EID2: variants seen among roughly 807,000 people sequenced by gnomAD.
EID2 encodes EP300 interacting inhibitor of differentiation 2, also known as EP300-interacting inhibitor of differentiation 2.
A neutral mutation model predicts 2.6 loss-of-function variants in EID2; 1 was observed. The observed-to-expected ratio is 0.39, with a 90% CI of 0.14 to 1.85. The LOEUF is 1.85. Among genes scored for constraint, EID2 ranks in the 40% most tolerant of loss-of-function variants. The probability of loss-of-function intolerance (pLI) is 0.32; values close to 1 mark genes in which losing one functional copy is unlikely to be tolerated. For synonymous variants in EID2, 126 were observed against 147.2 expected (o/e 0.86, Z 1.04); for missense variants, 285 against 338.4 (o/e 0.84, Z 1.24).
Position 39,539,323 on chromosome 19 carries a change from T to C in EID2, c.*46A>G. 6.5e-7 allele frequency: 1 copy of C among 1,539,626 alleles called. No individual in the cohort carries two copies. Among genetic ancestry groups the C allele is most frequent in the Non-Finnish European group, 8.9e-7 (1 of 1,119,190 alleles). On this transcript the variant is annotated 3_prime_UTR_variant, in exon 1 of 1. Coordinates refer to ENST00000390658, the MANE Select transcript of EID2 (RefSeq NM_153232.4). ...TCTGAAAATCAAGTTGCAGGATTGG[T>C]ATGACTGGAATGCAGAGGTTCTCTT...
At position 39,539,136 on chromosome 19, in the gene EID2, AG is replaced by A. The variant is rs1430319399; in HGVS notation, c.*232del. 2.1e-6 allele frequency: 1 copy of A among 471,854 alleles called. No individual in the cohort carries two copies. The highest frequency in any genetic ancestry group is 3.8e-6 in the Non-Finnish European group (1 of 263,976). 29.2% of individuals were successfully genotyped at this position (471,854 alleles called of 1,614,324 possible). On this transcript the variant is annotated 3_prime_UTR_variant, in exon 1 of 1. Coordinates refer to ENST00000390658, the MANE Select transcript of EID2 (RefSeq NM_153232.4). ...TGCTGAGAGACATTTTCCATAATGCAGGGGGAAAAATGTGGATCAATCACAA... is the reference window on the plus strand; with the variant it reads ...TGCTGAGAGACATTTTCCATAATGCAGGGGAAAAATGTGGATCAATCACAA...
Position 39,539,704 on chromosome 19 carries a change from T to C in EID2, c.376A>G (p.Arg126Gly), listed in dbSNP as rs1463919609. The C allele has an allele frequency of 6.2e-7, 1 of 1,614,016 alleles. No homozygotes were observed. Among genetic ancestry groups the C allele is most frequent in the Non-Finnish European group, 8.5e-7 (1 of 1,179,972 alleles). Residue 126 changes from arginine to glycine, a missense_variant, in exon 1 of 1, where the codon AGG becomes GGG. Arg to Gly is a moderately radical substitution (Grantham distance 125). Transcript: ENST00000390658. ...AGGCCTCCGTTCCCGTGTCTGGACC[T>C]GGGCCTGCCCTCGGGACCCTCTTCG... Reference protein sequence around the residue: ...VDEEGPEGRPRSRHGNGGLAA... With the variant: ...VDEEGPEGRPGSRHGNGGLAA...
At position 39,539,383 on chromosome 19, in the gene EID2, T is replaced by C; in HGVS notation, c.697A>G (p.Ile233Val). 2 of 1,613,734 alleles carry C rather than the reference T, an allele frequency of 1.2e-6. No individual in the cohort carries two copies. Among genetic ancestry groups the C allele is most frequent in the East Asian group, 2.2e-5 (1 of 44,888 alleles). The change falls in exon 1 of 1, where the codon ATC (isoleucine) becomes GTC (valine). Residue 233 changes from isoleucine (I) to valine (V), a missense_variant. Coordinates refer to ENST00000390658, the MANE Select transcript of EID2 (RefSeq NM_153232.4). ...LIEELGCDKF[I>V]NRE ...TCACCACATAACTATTCTCTATTGA[T>C]AAACTTATCGCAACCAAGTTCTTCT...
rs1208698093 is a variant in EID2 at position 39,539,712 on chromosome 19, C to A, written c.368G>T (p.Gly123Val). The change falls in exon 1 of 1, where the codon GGC (glycine) becomes GTC (valine). Residue 123 changes from glycine to valine, a missense_variant. Gly to Val is a moderately radical substitution (Grantham distance 109). Transcript: ENST00000390658. ...GTTCCCGTGTCTGGACCTGGGCCTG[C>A]CCTCGGGACCCTCTTCGTCCACTGG... ...GEPVDEEGPE[G>V]RPRSRHGNGG... 1.2e-6 allele frequency: 2 copies of A among 1,613,686 alleles called. No homozygotes were observed.
At position 39,538,894 on chromosome 19, in the gene EID2, T is replaced by C. The variant is rs1972050097; in HGVS notation, c.*475A>G. On this transcript the variant is annotated 3_prime_UTR_variant, in exon 1 of 1. Coordinates refer to ENST00000390658, the MANE Select transcript of EID2 (RefSeq NM_153232.4). Reference sequence around the variant, plus strand: ...AATGCCTAAGAAAACACAAAATCAATCTTAAACTAGAAACTTCTATTGAAT... The same window carrying C: ...AATGCCTAAGAAAACACAAAATCAACCTTAAACTAGAAACTTCTATTGAAT... The C allele has an allele frequency of 6.6e-6, 1 of 152,396 alleles. No individual in the cohort carries two copies. The highest frequency in any genetic ancestry group is 2.4e-5 in the African/African-American group (1 of 41,440). 9.4% of individuals were successfully genotyped at this position (152,396 alleles called of 1,614,324 possible).
Position 39,539,236 on chromosome 19 carries a change from TC to T in EID2, c.*132del. 2.6e-6 allele frequency: 2 copies of T among 755,986 alleles called. No individual in the cohort carries two copies. The highest frequency in any genetic ancestry group is 1.9e-5 in the South Asian group (1 of 51,882). 46.8% of individuals were successfully genotyped at this position (755,986 alleles called of 1,614,324 possible). A position where few individuals can be genotyped will look rare whatever the true frequency, so the allele number is the denominator to read the frequency against. On this transcript the variant is annotated 3_prime_UTR_variant, in exon 1 of 1. Transcript: ENST00000390658. ...CTGTGATGCTTTTTCAAGATAAGCTTCCCCCTCCCCCTTTTTTTCCCCTCCA... is the reference window on the plus strand; with the variant it reads ...CTGTGATGCTTTTTCAAGATAAGCTTCCCCTCCCCCTTTTTTTCCCCTCCA...
Position 39,539,463 on chromosome 19 carries a change from T to A in EID2, c.617A>T (p.Asp206Val). 6.2e-7 allele frequency: 1 copy of A among 1,614,268 alleles called. No homozygotes were observed. Among genetic ancestry groups the A allele is most frequent in the Non-Finnish European group, 8.5e-7 (1 of 1,180,060 alleles). Residue 206 changes from aspartate (D) to valine (V), a missense_variant, in exon 1 of 1, where the codon GAT (aspartate) becomes GTT (valine). Asp to Val is a radical substitution (Grantham distance 152, BLOSUM62 -3). Transcript: ENST00000390658. ...YQRNPHRVDLDILTFTIALTA... is the reference protein window; with the variant it reads ...YQRNPHRVDLVILTFTIALTA... ...CAGAGCTATCGTAAAGGTTAAAATA[T>A]CGAGGTCCACCCTGTGAGGATTTCG...
chr19:39,539,136 A>C lies in EID2; in HGVS notation c.*233T>G. 3 of 471,856 alleles carry C rather than the reference A, an allele frequency of 6.4e-6. No homozygotes were observed. In the South Asian group the frequency reaches 8.6e-5, roughly 13 times the overall value. 29.2% of individuals were successfully genotyped at this position (471,856 alleles called of 1,614,324 possible). ...TGCTGAGAGACATTTTCCATAATGC[A>C]GGGGGAAAAATGTGGATCAATCACA... is the stretch of plus-strand genomic sequence containing the variant. On this transcript the variant is annotated 3_prime_UTR_variant, in exon 1 of 1. Transcript: ENST00000390658.
At position 39,539,255 on chromosome 19, in the gene EID2, C is replaced by G; in HGVS notation, c.*114G>C. 1.0e-5 allele frequency: 9 copies of G among 891,772 alleles called. No individual in the cohort carries two copies. The highest frequency in any genetic ancestry group is 2.8e-5 in the Admixed American group (1 of 36,228). The allele number at this position is 891,772 out of a possible 1,614,324, so 55.2% of individuals were successfully genotyped here. On this transcript the variant is annotated 3_prime_UTR_variant, in exon 1 of 1. Transcript: ENST00000390658. ...TAAGCTTCCCCCTCCCCCTTTTTTTCCCCTCCACCTGTGCACTGTCTTATC... is the reference window on the plus strand; with the variant it reads ...TAAGCTTCCCCCTCCCCCTTTTTTTGCCCTCCACCTGTGCACTGTCTTATC...
rs902494452 is a variant in EID2, at chr19:39,539,903, C to T, written c.177G>A (p.Arg59=). 1 of 1,434,988 alleles carries T rather than the reference C, an allele frequency of 7.0e-7. No homozygotes were observed. Among genetic ancestry groups the T allele is most frequent in the Admixed American group, 2.6e-5 (1 of 37,826 alleles). The allele number at this position is 1,434,988 out of a possible 1,614,324, so 88.9% of individuals were successfully genotyped here. A position where few individuals can be genotyped will look rare whatever the true frequency, so the allele number is the denominator to read the frequency against. Reference sequence around the variant, plus strand: ...CCCTGGCCGCCGCCATCCGACCTTCCCTGGCCGCCGGCACCGGGCCTCCCC... The same window carrying T: ...CCCTGGCCGCCGCCATCCGACCTTCTCTGGCCGCCGGCACCGGGCCTCCCC... ...AARGGPVPAA[R]EGRMAAARAA... Residue 59 remains arginine (R), a synonymous_variant, in exon 1 of 1, where the codon AGG becomes AGA. Transcript: ENST00000390658.
rs902747435 is a variant in EID2, at chr19:39,540,151, C to T, written c.-72G>A. On this transcript the variant is annotated 5_prime_UTR_variant, in exon 1 of 1. Transcript: ENST00000390658. ...ACTGGACAGAGCGATGCCCGGCGGA[C>T]ACCCCAGTGCGCGTGCGTGGGCGCT... is the stretch of plus-strand genomic sequence containing the variant. The T allele has an allele frequency of 1.9e-6, 3 of 1,539,740 alleles. No homozygotes were observed. In the East Asian group the frequency reaches 7.8e-5, roughly 40 times the overall value.
chr19:39,539,393 G>A lies in EID2; in HGVS notation c.687C>T (p.Cys229=), dbSNP rs1568460185. 6.2e-7 allele frequency: 1 copy of A among 1,613,894 alleles called. No homozygotes were observed. ...ACTATTCTCTATTGATAAACTTATC[G>A]CAACCAAGTTCTTCTATCAGAGGGT... ...VINPLIEELG[C]DKFINRE Residue 229 remains cysteine (C), a synonymous_variant, in exon 1 of 1, where the codon TGC becomes TGT. Transcript: ENST00000390658.
At position 39,539,659 on chromosome 19, in the gene EID2, G is replaced by C. The variant is rs764391216; in HGVS notation, c.421C>G (p.Arg141Gly). Reference protein sequence around the residue: ...NGGLAALPYLRLRHPLSVLGI... With the variant: ...NGGLAALPYLGLRHPLSVLGI... ...AAAACGCTAAGTGGGTGGCGGAGACGGAGATAGGGCAACGCAGCCAGGCCT... is the reference window on the plus strand; with the variant it reads ...AAAACGCTAAGTGGGTGGCGGAGACCGAGATAGGGCAACGCAGCCAGGCCT... Residue 141 changes from arginine to glycine, a missense_variant, in exon 1 of 1, where the codon CGT becomes GGT. Physicochemically the swap from Arg to Gly is moderately radical, Grantham distance 125. Transcript: ENST00000390658. 6.2e-7 allele frequency: 1 copy of C among 1,614,236 alleles called. No homozygotes were observed. Among genetic ancestry groups the C allele is most frequent in the Non-Finnish European group, 8.5e-7 (1 of 1,180,034 alleles).
At position 39,540,042 on chromosome 19, in the gene EID2, G is replaced by A. The variant is rs761190422; in HGVS notation, c.38C>T (p.Thr13Ile). The A allele has an allele frequency of 6.3e-7, 1 of 1,596,678 alleles. No homozygotes were observed. Among genetic ancestry groups the A allele is most frequent in the Non-Finnish European group, 8.5e-7 (1 of 1,177,024 alleles). ...KLPADSSVPQ[T>I]GAANGDRDVP... ...GTCTCTGTCACCATTCGCCGCGCCT[G>A]TCTGCGGGACACTGCTGTCTGCGGG... Residue 13 changes from threonine to isoleucine, a missense_variant, in exon 1 of 1, where the codon ACA becomes ATA. Physicochemically the swap from Thr to Ile is moderately conservative, Grantham distance 89. Coordinates refer to ENST00000390658, the MANE Select transcript of EID2 (RefSeq NM_153232.4).
At position 39,539,518 on chromosome 19, in the gene EID2, T is replaced by C. The variant is rs754244593; in HGVS notation, c.562A>G (p.Arg188Gly). The change falls in exon 1 of 1, where the codon AGG (arginine) becomes GGG (glycine). Residue 188 changes from arginine (R) to glycine (G), a missense_variant. Transcript: ENST00000390658. ...TATTCGGCATCAAACGCTGCTTCCCTTGCTCTGCAGGCTTCCACGAATCGC... is the reference window on the plus strand; with the variant it reads ...TATTCGGCATCAAACGCTGCTTCCCCTGCTCTGCAGGCTTCCACGAATCGC... ...RRRFVEACRA[R>G]EAAFDAEYQR... 3 of 1,614,276 alleles carry C rather than the reference T, an allele frequency of 1.9e-6. No individual in the cohort carries two copies. Among genetic ancestry groups the C allele is most frequent in the Non-Finnish European group, 2.5e-6 (3 of 1,180,048 alleles).
Position 39,540,087 on chromosome 19 carries a change from C to G in EID2, c.-8G>C, listed in dbSNP as rs756095904. On this transcript the variant is annotated 5_prime_UTR_variant, in exon 1 of 1. Coordinates refer to ENST00000390658, the MANE Select transcript of EID2 (RefSeq NM_153232.4). The stretch of plus-strand genomic sequence containing the variant: ...TGCGGGCAGCTTGGACATCTCAGAC[C>G]GTGGGGTCAACTCGGCTGCTCCCAG... 2.5e-6 allele frequency: 4 copies of G among 1,595,240 alleles called. No individual in the cohort carries two copies. In the South Asian group the frequency reaches 4.4e-5, roughly 18 times the overall value.
At position 39,539,872 on chromosome 19, in the gene EID2, G is replaced by C. The variant is rs1055692898; in HGVS notation, c.208C>G (p.Pro70Ala). Residue 70 changes from proline to alanine, a missense_variant, in exon 1 of 1, where the codon CCG (proline) becomes GCG (alanine). Coordinates refer to ENST00000390658, the MANE Select transcript of EID2 (RefSeq NM_153232.4). ...EGRMAAARAAPAAAARGAPVA... is the reference protein window; with the variant it reads ...EGRMAAARAAAAAAARGAPVA... ...GGGGCTCCCCTGGCTGCCGCCGCCGGGGCTGCCCTGGCCGCCGCCATCCGA... is the reference window on the plus strand; with the variant it reads ...GGGGCTCCCCTGGCTGCCGCCGCCGCGGCTGCCCTGGCCGCCGCCATCCGA... The C allele has an allele frequency of 1.5e-6, 2 of 1,347,498 alleles. No homozygotes were observed. The highest frequency in any genetic ancestry group is 1.9e-6 in the Non-Finnish European group (2 of 1,054,132). The allele number at this position is 1,347,498 out of a possible 1,614,324, so 83.5% of individuals were successfully genotyped here.
rs1477969675 is a variant in EID2, at chr19:39,539,548, G to A, written c.532C>T (p.Arg178Cys). 2 of 1,614,256 alleles carry A rather than the reference G, an allele frequency of 1.2e-6. No individual in the cohort carries two copies. The highest frequency in any genetic ancestry group is 1.7e-6 in the Non-Finnish European group (2 of 1,180,046). The change falls in exon 1 of 1, where the codon CGC becomes TGC. Residue 178 changes from arginine (R) to cysteine (C), a missense_variant. Arg to Cys is a radical substitution (Grantham distance 180). Coordinates refer to ENST00000390658, the MANE Select transcript of EID2 (RefSeq NM_153232.4). ...PGRIQELEER[R>C]RRFVEACRAR... ...CTGCAGGCTTCCACGAATCGCCTGCGGCGTTCTTCAAGCTCTTGTATTCTG... is the reference window on the plus strand; with the variant it reads ...CTGCAGGCTTCCACGAATCGCCTGCAGCGTTCTTCAAGCTCTTGTATTCTG...
Position 39,539,976 on chromosome 19 carries a change from G to C in EID2, c.104C>G (p.Ala35Gly). ...AEVGRGRREP[A>G]PAQPEEAGEG... is the part of the protein sequence containing the mutation. Reference sequence around the variant, plus strand: ...CCCGGCCTCCTCAGGCTGTGCCGGGGCCGGCTCCCGCCTCCCGCGGCCTAC... The same window carrying C: ...CCCGGCCTCCTCAGGCTGTGCCGGGCCCGGCTCCCGCCTCCCGCGGCCTAC... Residue 35 changes from alanine (A) to glycine (G), a missense_variant, in exon 1 of 1, where the codon GCC (alanine) becomes GGC (glycine). Physicochemically the swap from Ala to Gly is moderately conservative, Grantham distance 60 (BLOSUM62 0). Coordinates refer to ENST00000390658, the MANE Select transcript of EID2 (RefSeq NM_153232.4). 1 of 1,582,004 alleles carries C rather than the reference G, an allele frequency of 6.3e-7. No homozygotes were observed. The highest frequency in any genetic ancestry group is 8.5e-7 in the Non-Finnish European group (1 of 1,173,414).
Sources: allele counts gnomAD v4.1 joint callset, GRCh38; gene constraint gnomAD v4.1.1; transcripts MANE v1.5; gene names NCBI Gene and HGNC (gene_info 2026-07-23, HGNC 2026-07-21).